MYO3B: variants seen among roughly 807,000 people sequenced by gnomAD.
MYO3B encodes the protein myosin-IIIb.
Under a neutral mutation model 174.6 loss-of-function variants are expected in MYO3B, and 156 were observed. The observed-to-expected ratio is 0.89, with a 90% CI of 0.78 to 1.02. The LOEUF (loss-of-function observed/expected upper bound fraction) is 1.02, where lower values mean the gene tolerates loss of function less well. Ranked by LOEUF, MYO3B falls within the 50% of genes least tolerant of loss-of-function variation. The pLI is 0.00. For missense variants in MYO3B, 1,632 were observed against 1,639.4 expected, an observed-to-expected ratio of 1.00 and a Z score of 0.08; for synonymous variants, 563 against 569.1, an observed-to-expected ratio of 0.99 and a Z score of 0.15.
intron 32 of MYO3B, among the ~76,000 whole-genome samples, chr2:170,557,263 C>T (rs568878670): frequency 6.6e-5 from 10 of 152,152 alleles, no homozygotes; most frequent in Middle Eastern, 3.4e-3. Flanking sequence ...CCTCAGCTTC[C>T]GGAGTTGCTG....
intron 28 of MYO3B, among the ~76,000 whole-genome samples, chr2:170,508,113 G>A (rs1687729064): frequency 6.6e-6 from 1 of 152,092 alleles, no homozygotes; most frequent in Non-Finnish European, 1.5e-5. Context: ...TGAAACTTTT[G>A]TGCAACAGTA....
At chr2:170,419,950 C>G (rs374194459) in intron 22 of MYO3B, among the ~76,000 whole-genome samples, 1 of 152,070 alleles carries the variant, frequency 6.6e-6, no homozygotes. Context: ...TTTGGGAGGC[C>G]GAGACAGGTG....
intron 32 of MYO3B, among the ~76,000 whole-genome samples, chr2:170,555,290 A>G (rs1691208368): frequency 6.6e-6 from 1 of 152,108 alleles, no homozygotes; most frequent in Admixed American, 6.6e-5. Context: ...TATTATTATT[A>G]CATTAGAGTT....
intron 32 of MYO3B, among the ~76,000 whole-genome samples, chr2:170,546,794 G>C (rs1403521452): frequency 1.3e-5 from 2 of 152,110 alleles, no homozygotes; most frequent in African/African-American, 2.4e-5. Flanking sequence ...TTTGTGGAAG[G>C]CTGAATGAGA....
At chr2:170,440,324 T>C (rs989403187) in intron 22 of MYO3B, among the ~76,000 whole-genome samples, 2 of 152,186 alleles carry the variant, frequency 1.3e-5, no homozygotes, top group Non-Finnish European at 2.9e-5. Flanking sequence ...AAAGATGCCA[T>C]TGGGACTTAA....
At position 170,308,577 on chromosome 2, in the gene MYO3B, T is replaced by C. The variant is rs867802100; in HGVS notation, c.750-26808T>C. On this transcript the variant is annotated intron_variant, in intron 7 of 34. Coordinates refer to ENST00000408978, the MANE Select transcript of MYO3B (RefSeq NM_138995.5). ...TTTACTATCTGAGGCATACTCTGGG[T>C]GCATCCAGGTCTCTGTGCCTTTAAG... Among the ~76,000 whole-genome samples, 4 of 152,332 alleles carry C rather than the reference T, an allele frequency of 2.6e-5. No individual in the cohort carries two copies. The Middle Eastern group carries it at 0.01, about 389-fold the overall frequency.
In MYO3B at chr2:170,628,388, C is replaced by T. The variant is rs561936453; in HGVS notation, c.3734-23240C>T. On this transcript the variant is annotated intron_variant, in intron 32 of 34. Coordinates refer to ENST00000408978, the MANE Select transcript of MYO3B (RefSeq NM_138995.5). ...CTCCTGGTGTGCTGTTTGCTAAGAC[C>T]GTTGGAAAAGCACAGTATTAGGGTG... Among the ~76,000 whole-genome samples, 60 of 152,338 alleles carry T rather than the reference C, an allele frequency of 3.9e-4. No homozygotes were observed. In the East Asian group the frequency reaches 5.6e-3, roughly 14 times the overall value.
chr2:170,649,071 T>C (rs1356784094), intron 32 of MYO3B, among the ~76,000 whole-genome samples: 1 of 69,304 alleles, frequency 1.4e-5, no homozygotes, highest in Non-Finnish European at 2.3e-5. Flanking sequence ...ATATAATGTA[T>C]ATTATATATA....
chr2:170,270,864 C>A (rs935123427), intron 7 of MYO3B, among the ~76,000 whole-genome samples: 1 of 152,060 alleles, frequency 6.6e-6, no homozygotes, highest in East Asian at 1.9e-4. Flanking sequence ...GTTTCATAAG[C>A]CTTTTGTAGT....
At chr2:170,306,072 A>G (rs13383941) in intron 7 of MYO3B, among the ~76,000 whole-genome samples, 1 of 152,168 alleles carries the variant, frequency 6.6e-6, no homozygotes, top group African/African-American at 2.4e-5. Context: ...TTTCACTCAT[A>G]TGCCTGGGTG....
At chr2:170,506,944 T>C (rs1453468511) in intron 28 of MYO3B, among the ~76,000 whole-genome samples, 2 of 152,236 alleles carry the variant, frequency 1.3e-5, no homozygotes, top group African/African-American at 4.8e-5. Context: ...GTGTCTCTAT[T>C]TGTAGTTCTA....
At chr2:170,610,290 G>A (rs6433226) in intron 32 of MYO3B, among the ~76,000 whole-genome samples, 115,346 of 151,422 alleles carry the variant, frequency 0.76, 44,215 homozygotes, top group Non-Finnish European at 0.81. Context: ...GCAGTGAGCC[G>A]AGATCATGCC....
chr2:170,213,453 T>C (rs1371718094), intron 3 of MYO3B, among the ~76,000 whole-genome samples: 1 of 152,138 alleles, frequency 6.6e-6, no homozygotes, highest in Non-Finnish European at 1.5e-5. Flanking sequence ...TTCTATACAA[T>C]ATCTGGAATC....
intron 32 of MYO3B, chr2:170,646,843 G>A (rs575956591): frequency 1.7e-4 from 161 of 926,066 alleles, no homozygotes; most frequent in South Asian, 1.0e-3. Flanking sequence ...GAAGCTGTTC[G>A]TCAGGATAGT....
rs1384429056 is a variant in MYO3B, at chr2:170,399,258, AAAAAAAAAGAGAG to A, written c.1792-928_1792-916del. On this transcript the variant is annotated intron_variant, in intron 16 of 34. Transcript: ENST00000408978. The stretch of plus-strand genomic sequence containing the variant: ...ATTCCGTCTCAAAAAAAAAAAAAAA[AAAAAAAAAGAGAG>A]AGACCAGTCTGGCCAACAGGGCAAA... Among the ~76,000 whole-genome samples, 35 of 124,298 alleles carry A rather than the reference AAAAAAAAAGAGAG, an allele frequency of 2.8e-4. 8 individuals are homozygous for A. The East Asian group carries it at 4.0e-3, about 14-fold the overall frequency. The allele number at this position is 124,298 out of a possible 152,430, so 81.5% of individuals were successfully genotyped here.
chr2:170,203,497 G>T (rs2092684138), intron 3 of MYO3B, among the ~76,000 whole-genome samples: 1 of 133,512 alleles, frequency 7.5e-6, no homozygotes, highest in Non-Finnish European at 1.5e-5. Context: ...AAAGGGGGCG[G>T]CGGGGGGGGG....
At chr2:170,573,249 ATG>A (rs2106283496) in intron 32 of MYO3B, among the ~76,000 whole-genome samples, 1 of 144,780 alleles carries the variant, frequency 6.9e-6, no homozygotes, top group African/African-American at 2.6e-5. Flanking sequence ...ATATATATAT[ATG>A]TATGCTATGT....
chr2:170,634,911 A>G (rs1575307467), intron 32 of MYO3B, among the ~76,000 whole-genome samples: 1 of 152,172 alleles, frequency 6.6e-6, no homozygotes, highest in South Asian at 2.1e-4. Flanking sequence ...CAAAACCACA[A>G]TGAGATACCA....
intron 22 of MYO3B, among the ~76,000 whole-genome samples, chr2:170,409,394 C>G (rs1450327699): frequency 6.6e-6 from 1 of 152,196 alleles, no homozygotes; most frequent in Non-Finnish European, 1.5e-5. Flanking sequence ...TGTTTTGAAA[C>G]TACACTCCAC....
Sources: allele counts gnomAD v4.1 joint callset (sites outside exome capture counted in the v4.1 genomes callset), GRCh38; gene constraint gnomAD v4.1.1; transcripts MANE v1.5; gene names NCBI Gene and HGNC (gene_info 2026-07-23, HGNC 2026-07-21).